Variants in ANKMY2 observed in about 807,000 individuals in gnomAD.
ANKMY2 encodes ankyrin repeat and MYND domain-containing protein 2.
Under a neutral mutation model 50.4 loss-of-function variants are expected in ANKMY2, and 36 were observed. The observed-to-expected ratio is 0.71, with a 90% CI of 0.55 to 0.94. The LOEUF (loss-of-function observed/expected upper bound fraction) is 0.94. Among genes scored for constraint, ANKMY2 ranks in the 40% least tolerant of loss-of-function variants. The pLI, the probability that ANKMY2 is intolerant of heterozygous loss-of-function variation, is 0.00. For synonymous variants in ANKMY2, 187 were observed against 178.8 expected (o/e 1.05, Z -0.36); for missense variants, 565 against 524.0 (o/e 1.08, Z -0.76).
intron 4 of ANKMY2, among the ~76,000 whole-genome samples, chr7:16,624,185 G>A (rs1431382087): frequency 2.6e-5 from 4 of 152,152 alleles, no homozygotes; most frequent in Non-Finnish European, 5.9e-5. Flanking sequence ...TTTATAGGTT[G>A]TGAACATTAT....
chr7:16,637,536 A>G (rs1781682431), intron 1 of ANKMY2, among the ~76,000 whole-genome samples: 2 of 152,210 alleles, frequency 1.3e-5, no homozygotes, highest in Admixed American at 6.5e-5. Flanking sequence ...GGAGTATGAT[A>G]GCAGCTATTT....
At chr7:16,625,194 T>C (rs78856639) in intron 3 of ANKMY2, 113 bp from the exon 4 acceptor site, 3 of 686,190 alleles carry the variant, frequency 4.4e-6, no homozygotes, top group Non-Finnish European at 4.8e-6. Context: ...GTTTCTGTCA[T>C]GTGGATATTT....
At chr7:16,637,559 A>T (rs4721523) in intron 1 of ANKMY2, among the ~76,000 whole-genome samples, 1 of 152,002 alleles carries the variant, frequency 6.6e-6, no homozygotes, top group African/African-American at 2.4e-5. Flanking sequence ...TTTATAAATA[A>T]TGCATTTTTC....
chr7:16,641,690 T>C (rs1367997744), intron 1 of ANKMY2, among the ~76,000 whole-genome samples: 2 of 152,142 alleles, frequency 1.3e-5, no homozygotes, highest in Non-Finnish European at 2.9e-5. Context: ...AGTATATCCT[T>C]CCACTGGAAA....
rs763330993 is a variant in ANKMY2 at position 16,615,905 on chromosome 7, C to A, written c.371-1G>T. Reference sequence around the variant, plus strand: ...ATTATGGTCACACAATCATGTTGACCTTTTCATAGAAAAATAGAAAAGTTG... The same window carrying A: ...ATTATGGTCACACAATCATGTTGACATTTTCATAGAAAAATAGAAAAGTTG... On this transcript the variant is annotated splice_acceptor_variant, in intron 4 of 9. Transcript: ENST00000306999. LOFTEE classifies it high-confidence loss of function. The A allele has an allele frequency of 1.3e-5, 21 of 1,586,436 alleles. No individual in the cohort carries two copies. Among genetic ancestry groups the A allele is most frequent in the Non-Finnish European group, 1.6e-5 (19 of 1,168,432 alleles).
At chr7:16,625,979 C>CTTTT (rs536879249) in intron 3 of ANKMY2, among the ~76,000 whole-genome samples, 4 of 103,140 alleles carry the variant, frequency 3.9e-5, no homozygotes, top group East Asian at 2.7e-4. Context: ...TATAAGAAGT[C>CTTTT]TTTTTTTTTT....
chr7:16,600,374 A>G lies in ANKMY2; in HGVS notation c.*387T>C, dbSNP rs1393195876. ...ATTTTTCTAACTACCCTCTGTAGCT[A>G]TAAATTTTTCCCTTCCTGAAAATCT... On this transcript the variant is annotated 3_prime_UTR_variant, in exon 10 of 10. Coordinates refer to ENST00000306999, the MANE Select transcript of ANKMY2 (RefSeq NM_020319.3). 1 of 156,428 alleles carries G rather than the reference A, an allele frequency of 6.4e-6. No individual in the cohort carries two copies. Among genetic ancestry groups the G allele is most frequent in the East Asian group, 1.9e-4 (1 of 5,310 alleles). The allele number at this position is 156,428 out of a possible 1,614,324, so 9.7% of individuals were successfully genotyped here.
At chr7:16,639,934 T>C (rs1781722936) in intron 1 of ANKMY2, among the ~76,000 whole-genome samples, 1 of 151,874 alleles carries the variant, frequency 6.6e-6, no homozygotes, top group South Asian at 2.1e-4. Flanking sequence ...CCAAGGCGGA[T>C]GGATCACCTG....
At chr7:16,615,351 C>T (rs1043393857) in intron 5 of ANKMY2, among the ~76,000 whole-genome samples, 4 of 152,118 alleles carry the variant, frequency 2.6e-5, no homozygotes, top group Non-Finnish European at 4.4e-5. Context: ...GAAAGGGAGC[C>T]ACCTCACTTG....
chr7:16,616,805 C>G (rs1781360721), intron 4 of ANKMY2, among the ~76,000 whole-genome samples: 1 of 152,274 alleles, frequency 6.6e-6, no homozygotes, highest in South Asian at 2.1e-4. Flanking sequence ...GTGGTTCCCC[C>G]TGGGTAGCCT....
rs566894860 is a variant in ANKMY2 at position 16,631,749 on chromosome 7, G to C, written c.133-4571C>G. ...CCTGCCTCAGCCTCCCAAGTAGCTA[G>C]AACTACAGGCGCCCGCCACCACGCC... On this transcript the variant is annotated intron_variant, in intron 2 of 9. Transcript: ENST00000306999. 1.3e-3 allele frequency among the ~76,000 whole-genome samples: 203 copies of C among 151,906 alleles called. 1 individual carries two copies. The highest frequency in any genetic ancestry group is 2.3e-3 in the Non-Finnish European group (155 of 67,952).
At chr7:16,616,024 A>G in intron 4 of ANKMY2, 120 bp from the exon 5 acceptor site, 1 of 930,468 alleles carries the variant, frequency 1.1e-6, no homozygotes, top group Non-Finnish European at 1.6e-6. Context: ...TTTATTTTTC[A>G]GGAAAGGAGA....
Position 16,604,787 on chromosome 7 carries a change from C to T in ANKMY2, c.945G>A (p.Val315=), listed in dbSNP as rs368284594. 6.2e-7 allele frequency: 1 copy of T among 1,614,074 alleles called. No homozygotes were observed. Among genetic ancestry groups the T allele is most frequent in the Non-Finnish European group, 8.5e-7 (1 of 1,179,988 alleles). Reference sequence around the variant, plus strand: ...CACAGGTAGTGCAAAATTCCACATCCACAAAACCCACCTGGCCAGTGATGG... The same window carrying T: ...CACAGGTAGTGCAAAATTCCACATCTACAAAACCCACCTGGCCAGTGATGG... ...TQAITGQVGF[V]DVEFCTTCGE... is the part of the protein sequence containing the mutation. The change falls in exon 8 of 10, where the codon GTG becomes GTA. Residue 315 remains valine (V), a synonymous_variant. Coordinates refer to ENST00000306999, the MANE Select transcript of ANKMY2 (RefSeq NM_020319.3).
intron 7 of ANKMY2, 61 bp downstream of exon 7, chr7:16,609,569 A>C: frequency 6.7e-7 from 1 of 1,501,422 alleles, no homozygotes; most frequent in Non-Finnish European, 8.9e-7. Context: ...TGCCTTTAAC[A>C]ATACAATAGG....
intron 4 of ANKMY2, among the ~76,000 whole-genome samples, chr7:16,622,891 A>C (rs1781460793): frequency 6.6e-6 from 1 of 152,246 alleles, no homozygotes; most frequent in South Asian, 2.1e-4. Flanking sequence ...ACTAACTTGT[A>C]AAACATAGAA....
rs1781038908 is a variant in ANKMY2, at chr7:16,600,712, C to T, written c.*49G>A. 6.7e-7 allele frequency: 1 copy of T among 1,496,726 alleles called. No homozygotes were observed. The highest frequency in any genetic ancestry group is 2.2e-5 in the Admixed American group (1 of 45,160). 92.7% of individuals were successfully genotyped at this position (1,496,726 alleles called of 1,614,324 possible). A position where few individuals can be genotyped will look rare whatever the true frequency, so the allele number is the denominator to read the frequency against. On this transcript the variant is annotated 3_prime_UTR_variant, in exon 10 of 10. Transcript: ENST00000306999. Reference sequence around the variant, plus strand: ...GGACAATGCATTCCTAGGAGTTTTCCAGCTTCTTGCAGGGTGAGGATCATC... The same window carrying T: ...GGACAATGCATTCCTAGGAGTTTTCTAGCTTCTTGCAGGGTGAGGATCATC...
intron 5 of ANKMY2, among the ~76,000 whole-genome samples, chr7:16,615,433 G>T (rs1002442458): frequency 1.3e-5 from 2 of 152,104 alleles, no homozygotes; most frequent in African/African-American, 4.8e-5. Flanking sequence ...GAATACAAAA[G>T]AATTCCTTTG....
Position 16,636,421 on chromosome 7 carries a change from G to C in ANKMY2, c.102C>G (p.Ser34Arg). ...TVQEAGTLLS[S>R]KNVRVNCLDE... ...CCAAACAGTTGACACGAACATTCTT[G>C]CTGGATAATAATGTTCCAGCTTCTT... is the stretch of plus-strand genomic sequence containing the variant. The change falls in exon 2 of 10, where the codon AGC (serine) becomes AGG (arginine). Residue 34 changes from serine (S) to arginine (R), a missense_variant. By Grantham distance (110) the Ser-to-Arg change is moderately radical (BLOSUM62 -1). Transcript: ENST00000306999. The C allele has an allele frequency of 1.3e-6, 2 of 1,586,852 alleles. No individual in the cohort carries two copies. The highest frequency in any genetic ancestry group is 2.8e-5 in the African/African-American group (2 of 71,356).
chr7:16,604,098 T>C (rs1038686522), intron 8 of ANKMY2, among the ~76,000 whole-genome samples: 1 of 152,188 alleles, frequency 6.6e-6, no homozygotes, highest in African/African-American at 2.4e-5. Context: ...TCATACAACA[T>C]GCTGGAGAAT....
Sources: gnomAD v4.1 joint callset for allele counts (sites outside exome capture counted in the v4.1 genomes callset) on GRCh38, gnomAD v4.1.1 for gene constraint, MANE v1.5 for transcripts, NCBI Gene and HGNC (gene_info 2026-07-23, HGNC 2026-07-21) for gene names.